Variants in ICA1 observed in about 807,000 individuals in gnomAD.
ICA1 encodes the protein islet cell autoantigen 1.
Under a neutral mutation model 71.0 loss-of-function variants are expected in ICA1, and 40 were observed. That is an observed-to-expected ratio of 0.56 (90% confidence interval 0.44 to 0.73). ICA1 has a LOEUF of 0.73. ICA1 is among the 30% of genes least tolerant of loss of function. The pLI, the probability that ICA1 is intolerant of heterozygous loss-of-function variation, is 0.00. For synonymous variants in ICA1, 207 were observed against 209.5 expected, an observed-to-expected ratio of 0.99 and a Z score of 0.10; for missense variants, 578 against 576.5, an observed-to-expected ratio of 1.00 and a Z score of -0.03.
intron 6 of ICA1, among the ~76,000 whole-genome samples, chr7:8,167,850 C>T (rs1168081881): frequency 6.6e-6 from 1 of 152,110 alleles, no homozygotes; most frequent in Non-Finnish European, 1.5e-5. Context: ...AGAGCCCTTC[C>T]TTAGGATTTC....
chr7:8,228,744 C>T, intron 3 of ICA1, 71 bp from the exon 4 acceptor site: 11 of 1,046,998 alleles, frequency 1.1e-5, no homozygotes, highest in South Asian at 1.5e-5. Flanking sequence ...TTACATTGAA[C>T]ACAACCAGAG....
chr7:8,188,006 C>G (rs973821044), intron 6 of ICA1, among the ~76,000 whole-genome samples: 4 of 152,192 alleles, frequency 2.6e-5, no homozygotes, highest in Non-Finnish European at 5.9e-5. Context: ...GGGGAAGCCA[C>G]AGTTTGAACC....
intron 9 of ICA1, among the ~76,000 whole-genome samples, chr7:8,143,509 A>G (rs1211899290): frequency 2.0e-5 from 3 of 152,206 alleles, no homozygotes; most frequent in Admixed American, 6.5e-5. Flanking sequence ...TATCTAGAAG[A>G]GCATCTAGTG....
intron 13 of ICA1, among the ~76,000 whole-genome samples, chr7:8,127,484 C>T (rs1017780641): frequency 3.9e-5 from 6 of 152,026 alleles, no homozygotes; most frequent in East Asian, 1.9e-4. Flanking sequence ...GAAGAAGCCC[C>T]GTGCAATGTC....
intron 6 of ICA1, among the ~76,000 whole-genome samples, chr7:8,200,540 A>G (rs1190171642): frequency 1.3e-5 from 2 of 152,122 alleles, no homozygotes; most frequent in African/African-American, 2.4e-5. Context: ...GCACGGACAT[A>G]AGAGCAAGCA....
chr7:8,221,506 G>T, intron 4 of ICA1, 108 bp from the exon 5 acceptor site: 2 of 1,282,712 alleles, frequency 1.6e-6, no homozygotes. Flanking sequence ...GCGAAGACGA[G>T]ATGAAATTAA....
At chr7:8,206,535 A>T (rs7810392) in intron 6 of ICA1, among the ~76,000 whole-genome samples, 2,108 of 152,190 alleles carry the variant, frequency 0.014, 47 homozygotes, top group African/African-American at 0.046. Context: ...TTGATTCTCA[A>T]TATTTTTAAT....
At chr7:8,134,685 T>C (rs909747191) in intron 12 of ICA1, among the ~76,000 whole-genome samples, 1 of 152,006 alleles carries the variant, frequency 6.6e-6, no homozygotes, top group East Asian at 1.9e-4. Flanking sequence ...CTTACGAAAA[T>C]GGCTAACAAG....
intron 6 of ICA1, among the ~76,000 whole-genome samples, chr7:8,186,799 G>A (rs912030774): frequency 1.9e-4 from 29 of 152,100 alleles, no homozygotes; most frequent in African/African-American, 6.5e-4. Context: ...GGGCCTCAAC[G>A]TGCCACTGAG....
chr7:8,262,294 G>T (rs1340418008), upstream of ICA1: 5 of 151,966 alleles, frequency 3.3e-5, no homozygotes, highest in East Asian at 3.9e-4. Context: ...AGCGGCCGGG[G>T]GGTGCGGGCG....
chr7:8,153,113 C>T (rs532167157), intron 8 of ICA1, among the ~76,000 whole-genome samples: 1 of 152,366 alleles, frequency 6.6e-6, no homozygotes, highest in East Asian at 1.9e-4. Context: ...TCACTACCAC[C>T]ACCATGCAGA....
At chr7:8,143,697 C>A (rs554116702) in intron 9 of ICA1, among the ~76,000 whole-genome samples, 178 bp downstream of exon 9, 110 of 152,164 alleles carry the variant, frequency 7.2e-4, no homozygotes, top group Admixed American at 1.2e-3. Context: ...ATACGTGAGT[C>A]ATGACCTAGC....
chr7:8,186,598 G>A (rs1783988065), intron 6 of ICA1, among the ~76,000 whole-genome samples: 1 of 152,184 alleles, frequency 6.6e-6, no homozygotes, highest in African/African-American at 2.4e-5. Flanking sequence ...GGGAAGAAAT[G>A]ATGAGATTTT....
At chr7:8,185,030 T>A (rs1159239264) in intron 6 of ICA1, among the ~76,000 whole-genome samples, 7 of 150,738 alleles carry the variant, frequency 4.6e-5, no homozygotes, top group African/African-American at 1.7e-4. Flanking sequence ...CCTGAGATTG[T>A]GCCACTGCAC....
At chr7:8,146,854 A>T (rs2128141423) in intron 8 of ICA1, among the ~76,000 whole-genome samples, 1 of 120,708 alleles carries the variant, frequency 8.3e-6, no homozygotes, top group East Asian at 3.1e-4. Flanking sequence ...CATTTTATTC[A>T]TGTACACACA....
At chr7:8,215,829 CCCA>C (rs1795230116) in intron 6 of ICA1, among the ~76,000 whole-genome samples, 2 of 152,222 alleles carry the variant, frequency 1.3e-5, no homozygotes, top group Non-Finnish European at 2.9e-5. Context: ...AACTCCCCCT[CCCA>C]CAGTCACTCC....
chr7:8,211,769 C>T (rs1221545826), intron 6 of ICA1, among the ~76,000 whole-genome samples: 1 of 152,168 alleles, frequency 6.6e-6, no homozygotes, highest in Non-Finnish European at 1.5e-5. Flanking sequence ...ACCTATAAAA[C>T]AGCAGCCAGC....
At chr7:8,134,197 T>C (rs752804484) in intron 12 of ICA1, among the ~76,000 whole-genome samples, 2 of 152,200 alleles carry the variant, frequency 1.3e-5, no homozygotes, top group Non-Finnish European at 2.9e-5. Flanking sequence ...ATGTTTGCCC[T>C]GTACTGCCCA....
chr7:8,118,721 A>G (rs1186184723), intron 13 of ICA1, among the ~76,000 whole-genome samples: 1 of 152,132 alleles, frequency 6.6e-6, no homozygotes, highest in Non-Finnish European at 1.5e-5. Flanking sequence ...GGTAACTGTC[A>G]CCCTTTCCTT....
Sources: gnomAD v4.1 joint callset for allele counts (sites outside exome capture counted in the v4.1 genomes callset) on GRCh38, gnomAD v4.1.1 for gene constraint, MANE v1.5 for transcripts, NCBI Gene and HGNC (gene_info 2026-07-23, HGNC 2026-07-21) for gene names.